Variants in MAP3K20 observed in about 807,000 individuals in gnomAD.
The protein encoded by MAP3K20 is mitogen-activated protein kinase kinase kinase 20.
A neutral mutation model predicts 85.7 loss-of-function variants in MAP3K20; 40 were observed. The observed-to-expected ratio is 0.47, with a 90% confidence interval of 0.36 to 0.61. The LOEUF is 0.61. Ranked by LOEUF, MAP3K20 falls within the 20% of genes least tolerant of loss-of-function variation. The pLI is 0.00. For synonymous variants in MAP3K20, 325 were observed against 327.7 expected, an observed-to-expected ratio of 0.99 and a Z score of 0.09; for missense variants, 817 against 961.7, an observed-to-expected ratio of 0.85 and a Z score of 1.99.
intron 11 of MAP3K20, among the ~76,000 whole-genome samples, chr2:173,220,968 T>C (rs552833554): frequency 1.2e-4 from 18 of 152,238 alleles, no homozygotes; most frequent in Non-Finnish European, 2.5e-4. Context: ...TCATAAATTA[T>C]GGCAAATATG....
chr2:173,234,657 A>G (rs1684602925), intron 14 of MAP3K20, among the ~76,000 whole-genome samples: 1 of 152,180 alleles, frequency 6.6e-6, no homozygotes, highest in South Asian at 2.1e-4. Flanking sequence ...AGTTAAGAGA[A>G]ATGGAAGAGA....
intron 2 of MAP3K20, among the ~76,000 whole-genome samples, chr2:173,095,651 G>A (rs1687436746): frequency 6.6e-6 from 1 of 152,158 alleles, no homozygotes; most frequent in African/African-American, 2.4e-5. Flanking sequence ...AATCAGAGAT[G>A]TGCAGAAAGA....
chr2:173,126,364 T>G (rs1688443495), intron 2 of MAP3K20, among the ~76,000 whole-genome samples: 1 of 152,090 alleles, frequency 6.6e-6, no homozygotes. Flanking sequence ...TGAATTTTTC[T>G]TTTTTCTTTT....
intron 2 of MAP3K20, among the ~76,000 whole-genome samples, chr2:173,105,919 T>C (rs1434496339): frequency 6.6e-6 from 1 of 152,206 alleles, no homozygotes; most frequent in Non-Finnish European, 1.5e-5. Flanking sequence ...TTTTATGTTA[T>C]GTACTATAAT....
At chr2:173,210,941 A>G (rs1218296676) in intron 10 of MAP3K20, 1 of 152,210 alleles carries the variant, frequency 6.6e-6, no homozygotes, top group African/African-American at 2.4e-5. Flanking sequence ...AGTGAGGTAA[A>G]TGAATTTTTA....
intron 3 of MAP3K20, among the ~76,000 whole-genome samples, chr2:173,171,928 A>T (rs937362788): frequency 3.9e-5 from 6 of 152,240 alleles, no homozygotes; most frequent in African/African-American, 1.4e-4. Flanking sequence ...GAGACCTGTT[A>T]GGTGAGTTTT....
chr2:173,143,339 A>G (rs981876974), intron 2 of MAP3K20, among the ~76,000 whole-genome samples: 1 of 152,258 alleles, frequency 6.6e-6, no homozygotes, highest in Non-Finnish European at 1.5e-5. Flanking sequence ...TTCAAAATAC[A>G]TGAAGCAAAA....
At chr2:173,196,444 G>C (rs1245594895) in intron 7 of MAP3K20, among the ~76,000 whole-genome samples, 1 of 152,144 alleles carries the variant, frequency 6.6e-6, no homozygotes, top group Non-Finnish European at 1.5e-5. Context: ...CTAATCACTT[G>C]TGTGACTCAA....
At chr2:173,098,638 T>A (rs1323265783) in intron 2 of MAP3K20, among the ~76,000 whole-genome samples, 1 of 152,238 alleles carries the variant, frequency 6.6e-6, no homozygotes, top group African/African-American at 2.4e-5. Context: ...ACTCAACCCG[T>A]ACTTTCAAAT....
At chr2:173,240,053 C>CTAATGATAA (rs1381685714) in intron 16 of MAP3K20, among the ~76,000 whole-genome samples, 7 of 152,296 alleles carry the variant, frequency 4.6e-5, no homozygotes, top group African/African-American at 1.7e-4. Flanking sequence ...CTATAAATAG[C>CTAATGATAA]TAATGATAAT....
At chr2:173,184,738 G>C (rs7571788) in intron 4 of MAP3K20, among the ~76,000 whole-genome samples, 10,676 of 152,054 alleles carry the variant, frequency 0.07, 1,089 homozygotes, top group East Asian at 0.57. Flanking sequence ...GCGAAACCCT[G>C]TCTCTACTAA....
chr2:173,194,580 A>C (rs2106279424), intron 7 of MAP3K20, among the ~76,000 whole-genome samples: 1 of 152,232 alleles, frequency 6.6e-6, no homozygotes, highest in East Asian at 1.9e-4. Flanking sequence ...ATTTTAATTC[A>C]AAATGTGGTT....
In MAP3K20 at chr2:173,221,359, G is replaced by A. The variant is rs375333847; in HGVS notation, c.987+4109G>A. ...AAGCAGGAGCTGTGATGCATTCTGGGATGCAGATAAACATGCAAGCCAAGC... is the reference window on the plus strand; with the variant it reads ...AAGCAGGAGCTGTGATGCATTCTGGAATGCAGATAAACATGCAAGCCAAGC... On this transcript the variant is annotated intron_variant, in intron 11 of 19. Coordinates refer to ENST00000375213, the MANE Select transcript of MAP3K20 (RefSeq NM_016653.3). 4 of 1,613,956 alleles carry A rather than the reference G, an allele frequency of 2.5e-6. No homozygotes were observed. In the African/African-American group the frequency reaches 4.0e-5, roughly 16 times the overall value.
At chr2:173,091,453 T>G (rs1687298031) in intron 2 of MAP3K20, among the ~76,000 whole-genome samples, 2 of 152,136 alleles carry the variant, frequency 1.3e-5, no homozygotes, top group Non-Finnish European at 1.5e-5. Flanking sequence ...TTCTCTGAGC[T>G]CTCCTGGAGG....
chr2:173,083,120 G>A (rs1039133017), intron 1 of MAP3K20, among the ~76,000 whole-genome samples: 19 of 152,182 alleles, frequency 1.2e-4, no homozygotes, highest in Non-Finnish European at 2.5e-4. Flanking sequence ...ATATGGTAAA[G>A]ATAGAGGAAG....
At chr2:173,203,893 T>C in intron 9 of MAP3K20, 23 bp downstream of exon 9, 3 of 1,601,582 alleles carry the variant, frequency 1.9e-6, no homozygotes, top group East Asian at 4.5e-5. Flanking sequence ...ATTTTTGTTA[T>C]TGTTTAGAAT....
intron 2 of MAP3K20, among the ~76,000 whole-genome samples, chr2:173,134,268 G>A (rs1688708945): frequency 1.4e-5 from 2 of 141,564 alleles, no homozygotes. Flanking sequence ...TTGGCTTACT[G>A]GCTTACTGCA....
At chr2:173,167,392 A>G (rs1394702565) in intron 2 of MAP3K20, among the ~76,000 whole-genome samples, 1 of 151,970 alleles carries the variant, frequency 6.6e-6, no homozygotes, top group East Asian at 1.9e-4. Context: ...ATGTCATTTG[A>G]CCTTCATTTA....
At chr2:173,213,934 C>G (rs1204626466) in intron 10 of MAP3K20, among the ~76,000 whole-genome samples, 1 of 152,076 alleles carries the variant, frequency 6.6e-6, no homozygotes, top group East Asian at 1.9e-4. Context: ...ACTCCCCTTT[C>G]CCCCCAACTT....
Sources: allele counts gnomAD v4.1 joint callset (sites outside exome capture counted in the v4.1 genomes callset), GRCh38; gene constraint gnomAD v4.1.1; transcripts MANE v1.5; gene names NCBI Gene and HGNC (gene_info 2026-07-23, HGNC 2026-07-21).